RPS6KC1: variants seen among roughly 807,000 people sequenced by gnomAD.
RPS6KC1 encodes ribosomal protein S6 kinase C1, also known as inactive ribosomal protein S6 kinase delta-1.
Under a neutral mutation model 103.8 loss-of-function variants are expected in RPS6KC1, and 54 were observed. The observed-to-expected ratio is 0.52, with a 90% CI of 0.42 to 0.65. The LOEUF (loss-of-function observed/expected upper bound fraction) is 0.65. RPS6KC1 is among the 30% of genes least tolerant of loss of function. RPS6KC1 has a pLI of 0.00. For synonymous variants in RPS6KC1, 439 were observed against 438.7 expected (o/e 1.00, Z -0.01); for missense variants, 1,151 against 1,253.8 (o/e 0.92, Z 1.24).
At chr1:213,587,973 G>A in the RPS6KC1 span, among the ~76,000 whole-genome samples, 1 of 152,142 alleles carries the variant, frequency 6.6e-6, no homozygotes, top group South Asian at 2.1e-4. Flanking sequence ...TTGGAGGCTG[G>A]GAAGTCCAAG....
At chr1:213,694,175 C>A in the RPS6KC1 span, among the ~76,000 whole-genome samples, 2 of 152,244 alleles carry the variant, frequency 1.3e-5, no homozygotes, top group African/African-American at 4.8e-5. Flanking sequence ...AATCTCCTGC[C>A]TCTGCCTCTG....
intron 2 of RPS6KC1, among the ~76,000 whole-genome samples, chr1:213,072,433 A>G (rs1322300738): frequency 6.6e-6 from 1 of 152,114 alleles, no homozygotes; most frequent in East Asian, 1.9e-4. Context: ...CTGTAATCCC[A>G]TCTACTTGGG....
chr1:213,680,800 T>G, the RPS6KC1 span, among the ~76,000 whole-genome samples: 1 of 152,050 alleles, frequency 6.6e-6, no homozygotes, highest in African/African-American at 2.4e-5. Flanking sequence ...GAGGCCCTGA[T>G]CTGCATGGGA....
At chr1:213,304,522 T>C in the RPS6KC1 span, among the ~76,000 whole-genome samples, 1 of 152,034 alleles carries the variant, frequency 6.6e-6, no homozygotes, top group Non-Finnish European at 1.5e-5. Context: ...AATTACTCTG[T>C]ATAGAAAATT....
chr1:213,757,252 T>C, the RPS6KC1 span, among the ~76,000 whole-genome samples: 2 of 152,226 alleles, frequency 1.3e-5, no homozygotes, highest in African/African-American at 2.4e-5. Flanking sequence ...AAACCCAAGA[T>C]AGGCTGAAAG....
At chr1:213,757,079 C>T in the RPS6KC1 span, among the ~76,000 whole-genome samples, 2 of 152,186 alleles carry the variant, frequency 1.3e-5, no homozygotes, top group Non-Finnish European at 2.9e-5. Flanking sequence ...CCATCTCTCT[C>T]CTCCTTCTCA....
chr1:213,663,190 A>C, the RPS6KC1 span, among the ~76,000 whole-genome samples: 2 of 152,202 alleles, frequency 1.3e-5, no homozygotes, highest in Non-Finnish European at 2.9e-5. Flanking sequence ...CCTTTGGGTT[A>C]CCTGTTATTG....
chr1:213,840,793 A>G, the RPS6KC1 span: 14,556 of 152,140 alleles, frequency 0.096, 832 homozygotes, highest in South Asian at 0.19. Flanking sequence ...ATGTCCAACA[A>G]GGCCCAAACA....
chr1:213,058,991 C>T (rs1294971546), intron 1 of RPS6KC1, among the ~76,000 whole-genome samples: 1 of 152,160 alleles, frequency 6.6e-6, no homozygotes, highest in Non-Finnish European at 1.5e-5. Context: ...ATTTATTCCC[C>T]ACTATTTCGT....
At chr1:213,363,469 T>C in the RPS6KC1 span, among the ~76,000 whole-genome samples, 1 of 152,200 alleles carries the variant, frequency 6.6e-6, no homozygotes, top group Admixed American at 6.5e-5. Context: ...GAAGACCTTG[T>C]CTTCATGGTT....
chr1:213,516,599 A>G, the RPS6KC1 span, among the ~76,000 whole-genome samples: 2 of 152,170 alleles, frequency 1.3e-5, no homozygotes, highest in Non-Finnish European at 2.9e-5. Context: ...CATGGTGGAT[A>G]AAGTTTTTGA....
intron 8 of RPS6KC1, among the ~76,000 whole-genome samples, chr1:213,177,292 CCATT>C (rs1405988681): frequency 6.6e-6 from 1 of 152,096 alleles, no homozygotes; most frequent in Non-Finnish European, 1.5e-5. Context: ...CACCGCTTTA[CCATT>C]CAAAGTAAAT....
chr1:213,586,882 T>C, the RPS6KC1 span, among the ~76,000 whole-genome samples: 1 of 152,158 alleles, frequency 6.6e-6, no homozygotes, highest in African/African-American at 2.4e-5. Context: ...TCCCACACTT[T>C]TGGGCTGTAG....
At chr1:213,433,467 T>A in the RPS6KC1 span, among the ~76,000 whole-genome samples, 2 of 152,208 alleles carry the variant, frequency 1.3e-5, no homozygotes, top group Non-Finnish European at 2.9e-5. Context: ...TATTCTAAAT[T>A]GTTCTTTAAT....
chr1:213,486,231 C>T, the RPS6KC1 span, among the ~76,000 whole-genome samples: 7 of 152,266 alleles, frequency 4.6e-5, no homozygotes, highest in South Asian at 1.5e-3. Context: ...TGTAGGAAGT[C>T]TAACCCTAAT....
chr1:213,591,715 G>A, the RPS6KC1 span, among the ~76,000 whole-genome samples: 1 of 152,188 alleles, frequency 6.6e-6, no homozygotes, highest in African/African-American at 2.4e-5. Context: ...TTAGGGGGGT[G>A]CTTTTGGGAG....
the RPS6KC1 span, among the ~76,000 whole-genome samples, chr1:213,541,882 A>G: frequency 6.6e-6 from 1 of 152,182 alleles, no homozygotes; most frequent in Non-Finnish European, 1.5e-5. Context: ...AGGCTAAGCA[A>G]AATTTGCCAG....
At chr1:213,548,365 A>G in the RPS6KC1 span, among the ~76,000 whole-genome samples, 1 of 152,244 alleles carries the variant, frequency 6.6e-6, no homozygotes, top group African/African-American at 2.4e-5. Flanking sequence ...GTGTGGTAAA[A>G]CTATAAAGAA....
the RPS6KC1 span, among the ~76,000 whole-genome samples, chr1:213,640,863 T>G: frequency 2.0e-5 from 3 of 149,496 alleles, no homozygotes; most frequent in Non-Finnish European, 4.4e-5. Flanking sequence ...ATTCTACTGG[T>G]TTTTATTAAT....
Sources: allele counts gnomAD v4.1 joint callset (sites outside exome capture counted in the v4.1 genomes callset), GRCh38; gene constraint gnomAD v4.1.1; transcripts MANE v1.5; gene names NCBI Gene and HGNC (gene_info 2026-07-23, HGNC 2026-07-21).